Variants in VPS33A observed in about 807,000 individuals in gnomAD.
VPS33A encodes the protein VPS33A core subunit of CORVET and HOPS complexes, also known as vacuolar protein sorting-associated protein 33A.
In VPS33A, 32 loss-of-function variants were observed where a neutral mutation model predicts 71.8. The observed-to-expected ratio is 0.45, with a 90% CI of 0.34 to 0.60. VPS33A has a LOEUF of 0.60. VPS33A is among the 20% of genes least tolerant of loss of function. The pLI, the probability that VPS33A is intolerant of heterozygous loss-of-function variation, is 0.02. For synonymous variants in VPS33A, 311 were observed against 292.7 expected, an observed-to-expected ratio of 1.06 and a Z score of -0.64; for missense variants, 625 against 748.5, an observed-to-expected ratio of 0.84 and a Z score of 1.92.
Position 122,231,926 on chromosome 12 carries a change from G to T in VPS33A, c.*320C>A. 1 of 390,358 alleles carries T rather than the reference G, an allele frequency of 2.6e-6. No homozygotes were observed. Among genetic ancestry groups the T allele is most frequent in the Non-Finnish European group, 4.5e-6 (1 of 221,662 alleles). 24.2% of individuals were successfully genotyped at this position (390,358 alleles called of 1,614,324 possible). A position where few individuals can be genotyped will look rare whatever the true frequency, so the allele number is the denominator to read the frequency against. ...ACAAAAATTAGCCGGGTGTGGTGGT[G>T]CATGCCTGTAGTCCCAGCTACTCAG... On this transcript the variant is annotated 3_prime_UTR_variant, in exon 13 of 13. Transcript: ENST00000267199.
intron 12 of VPS33A, 77 bp downstream of exon 12, chr12:122,232,723 T>C: frequency 6.6e-7 from 1 of 1,514,218 alleles, no homozygotes; most frequent in Non-Finnish European, 8.9e-7. Context: ...CTTTACTATT[T>C]TACAAAGCAA....
intron 5 of VPS33A, among the ~76,000 whole-genome samples, chr12:122,250,452 T>C (rs959988723): frequency 6.6e-6 from 1 of 152,200 alleles, no homozygotes; most frequent in African/African-American, 2.4e-5. Flanking sequence ...TGCTTAAAGA[T>C]GCCTGACTTA....
chr12:122,244,280 A>G (rs1035115536), intron 7 of VPS33A, among the ~76,000 whole-genome samples: 1 of 152,234 alleles, frequency 6.6e-6, no homozygotes, highest in African/African-American at 2.4e-5. Flanking sequence ...AAGGTAGGAA[A>G]TAATTTAAGA....
chr12:122,265,418 A>G (rs1282660067), intron 1 of VPS33A, among the ~76,000 whole-genome samples: 1 of 152,088 alleles, frequency 6.6e-6, no homozygotes, highest in East Asian at 1.9e-4. Flanking sequence ...ATTTATTTAA[A>G]TAATTGTACA....
intron 5 of VPS33A, among the ~76,000 whole-genome samples, chr12:122,250,745 C>A (rs1351719556): frequency 6.6e-6 from 1 of 152,170 alleles, no homozygotes; most frequent in Non-Finnish European, 1.5e-5. Context: ...TCAGCTGCCT[C>A]AGTTGGGAAC....
chr12:122,249,935 T>C lies in VPS33A; in HGVS notation c.711A>G (p.Leu237=), dbSNP rs1360122131. The C allele has an allele frequency of 6.2e-7, 1 of 1,614,014 alleles. No homozygotes were observed. Among genetic ancestry groups the C allele is most frequent in the African/African-American group, 1.3e-5 (1 of 74,930 alleles). Residue 237 remains leucine (L), a synonymous_variant, in exon 6 of 13, where the codon TTA becomes TTG. Coordinates refer to ENST00000267199, the MANE Select transcript of VPS33A (RefSeq NM_022916.6). ...ATGTCAGCTGAGTGGCAAGAGGTGTTAATAAATCCACATTCCGATCAAGCA... is the reference window on the plus strand; with the variant it reads ...ATGTCAGCTGAGTGGCAAGAGGTGTCAATAAATCCACATTCCGATCAAGCA... The part of the protein sequence containing the change: ...LLLLDRNVDL[L]TPLATQLTYE...
chr12:122,234,374 C>T (rs1954602749), intron 11 of VPS33A, among the ~76,000 whole-genome samples: 6 of 152,144 alleles, frequency 3.9e-5, no homozygotes, highest in Admixed American at 3.9e-4. Flanking sequence ...ACCTCCCAGG[C>T]TCAGCCTCCT....
chr12:122,265,188 G>A (rs1470556398), intron 1 of VPS33A, among the ~76,000 whole-genome samples: 1 of 151,824 alleles, frequency 6.6e-6, no homozygotes, highest in African/African-American at 2.4e-5. Flanking sequence ...CAAAGTACTG[G>A]GATTACACCG....
intron 3 of VPS33A, among the ~76,000 whole-genome samples, chr12:122,261,650 G>C (rs571125617): frequency 6.6e-6 from 1 of 151,774 alleles, no homozygotes; most frequent in Non-Finnish European, 1.5e-5. Flanking sequence ...GGGCGGATCA[G>C]TTGAGGTCAG....
In VPS33A at chr12:122,265,847, G is replaced by A. The variant is rs1374202480; in HGVS notation, c.102+460C>T. On this transcript the variant is annotated intron_variant, in intron 1 of 12. Transcript: ENST00000267199. ...AAGTTATACTGTTTTAGGAGGCCAG[G>A]TTAAAAGCCCAAATGATTACAACTT... 6 of 380,186 alleles carry A rather than the reference G, an allele frequency of 1.6e-5. No individual in the cohort carries two copies. The East Asian group carries it at 2.9e-4, about 19-fold the overall frequency. The allele number at this position is 380,186 out of a possible 1,614,324, so 23.6% of individuals were successfully genotyped here. A position where few individuals can be genotyped will look rare whatever the true frequency, so the allele number is the denominator to read the frequency against.
intron 6 of VPS33A, chr12:122,249,670 T>G (rs1954818984): frequency 2.4e-6 from 1 of 421,466 alleles, no homozygotes; most frequent in East Asian, 3.8e-5. Flanking sequence ...GGCTTTGGGT[T>G]TTCTTTGGCC....
In VPS33A at chr12:122,251,005, A is replaced by G. The variant is rs1954835707; in HGVS notation, c.578T>C (p.Phe193Ser). 10 of 1,613,920 alleles carry G rather than the reference A, an allele frequency of 6.2e-6. No individual in the cohort carries two copies. Among genetic ancestry groups the G allele is most frequent in the Non-Finnish European group, 8.5e-6 (10 of 1,179,840 alleles). ...CACCCGAGCGCATTCTCCTTTCCCAAAGATCTGGGGGATCGTTCCATACAG... is the reference window on the plus strand; with the variant it reads ...CACCCGAGCGCATTCTCCTTTCCCAGAGATCTGGGGGATCGTTCCATACAG... ...QALYGTIPQI[F>S]GKGECARQVA... The change falls in exon 5 of 13, where the codon TTT becomes TCT. Residue 193 changes from phenylalanine (F) to serine (S), a missense_variant. Transcript: ENST00000267199.
chr12:122,263,801 A>G (rs1006050371), intron 2 of VPS33A, 102 bp from the exon 3 acceptor site: 2 of 1,348,234 alleles, frequency 1.5e-6, no homozygotes, highest in African/African-American at 1.5e-5. Context: ...GCACATTAAT[A>G]TTTTAATATC....
intron 1 of VPS33A, among the ~76,000 whole-genome samples, 171 bp downstream of exon 1, chr12:122,266,136 C>T (rs920894963): frequency 5.3e-5 from 8 of 152,330 alleles, no homozygotes; most frequent in African/African-American, 4.8e-5. Flanking sequence ...CCCAGGGCCC[C>T]CCCCTTCATC....
In VPS33A at chr12:122,255,933, T is replaced by A. The variant is rs1456128233; in HGVS notation, c.484-4834A>T. On this transcript the variant is annotated intron_variant, in intron 4 of 12. Coordinates refer to ENST00000267199, the MANE Select transcript of VPS33A (RefSeq NM_022916.6). ...ATCCTTCTGCCTCAGCCTCCTGAGTTACTGGAATGACAGGTGCACATCACC... is the reference window on the plus strand; with the variant it reads ...ATCCTTCTGCCTCAGCCTCCTGAGTAACTGGAATGACAGGTGCACATCACC... Among the ~76,000 whole-genome samples, 144 of 151,858 alleles carry A rather than the reference T, an allele frequency of 9.5e-4. 2 individuals carry two copies. The highest frequency in any genetic ancestry group is 3.3e-3 in the African/African-American group (136 of 41,236).
intron 4 of VPS33A, 131 bp from the exon 5 acceptor site, chr12:122,251,230 TG>T: frequency 1.5e-6 from 1 of 661,504 alleles, no homozygotes; most frequent in Non-Finnish European, 2.6e-6. Flanking sequence ...CCAGGAAAAT[TG>T]GGGACTCAAG....
At chr12:122,247,289 A>G (rs932262381) in intron 6 of VPS33A, among the ~76,000 whole-genome samples, 2 of 149,738 alleles carry the variant, frequency 1.3e-5, no homozygotes, top group Non-Finnish European at 3.0e-5. Flanking sequence ...CACCCCTCCT[A>G]TACAGCTGTC....
At chr12:122,250,746 A>C (rs761373198) in intron 5 of VPS33A, among the ~76,000 whole-genome samples, 1 of 152,212 alleles carries the variant, frequency 6.6e-6, no homozygotes, top group African/African-American at 2.4e-5. Flanking sequence ...CAGCTGCCTC[A>C]GTTGGGAACA....
At chr12:122,241,930 T>C (rs141543453) in intron 8 of VPS33A, among the ~76,000 whole-genome samples, 11,988 of 150,902 alleles carry the variant, frequency 0.079, 583 homozygotes, top group African/African-American at 0.13. Flanking sequence ...TTTTTCGAGA[T>C]GGAGTCTCAC....
Sources: gnomAD v4.1 joint callset for allele counts (sites outside exome capture counted in the v4.1 genomes callset) on GRCh38, gnomAD v4.1.1 for gene constraint, MANE v1.5 for transcripts, NCBI Gene and HGNC (gene_info 2026-07-23, HGNC 2026-07-21) for gene names.